The following NLRP11 variants were observed in gnomAD, a reference collection of about 807,000 sequenced individuals.
NLRP11 encodes the protein NACHT, LRR and PYD domains-containing protein 11.
Under a neutral mutation model 79.3 loss-of-function variants are expected in NLRP11, and 53 were observed. The observed-to-expected ratio is 0.67, with a 90% CI of 0.54 to 0.84. The LOEUF is 0.84. Among genes scored for constraint, NLRP11 ranks in the 40% least tolerant of loss-of-function variants. NLRP11 has a pLI of 0.00. For synonymous variants in NLRP11, 518 were observed against 462.6 expected, an observed-to-expected ratio of 1.12 and a Z score of -1.54; for missense variants, 1,264 against 1,255.0, an observed-to-expected ratio of 1.01 and a Z score of -0.11.
chr19:55,810,217 T>A, exon 3 of NLRP11: 1 of 1,614,146 alleles, frequency 6.2e-7, no homozygotes, highest in Non-Finnish European at 8.5e-7. Context: ...CTAATTGAAG[T>A]ATGTAGAACA....
rs1978354490 is a variant in NLRP11, at chr19:55,792,416, G to A, written c.2398C>T (p.Leu800=). 3 of 1,613,976 alleles carry A rather than the reference G, an allele frequency of 1.9e-6. No individual in the cohort carries two copies. The African/African-American group carries it at 4.0e-5, about 22-fold the overall frequency. The change falls in exon 7 of 10, where the codon CTG becomes TTG. Residue 800 remains leucine, a synonymous_variant. Coordinates refer to ENST00000589093, the Ensembl canonical transcript of NLRP11. ...AGTTGTCTTAGAGTTGGGCTGAACAGAAGCACTCTTCCAAGGGCGCTGCAG... is the reference window on the plus strand; with the variant it reads ...AGTTGTCTTAGAGTTGGGCTGAACAAAAGCACTCTTCCAAGGGCGCTGCAG...
intron 2 of NLRP11, among the ~76,000 whole-genome samples, chr19:55,811,295 G>A (rs928017699): frequency 2.6e-5 from 4 of 152,190 alleles, no homozygotes; most frequent in South Asian, 2.1e-4. Flanking sequence ...GTATAAAGCT[G>A]TCATAGAGGT....
chr19:55,809,846 A>G lies in NLRP11; in HGVS notation c.764T>C (p.Ile255Thr), dbSNP rs1357738206. The change falls in exon 3 of 10, where the codon ATT (isoleucine) becomes ACT (threonine). Residue 255 changes from isoleucine to threonine, a missense_variant. Physicochemically the swap from Ile to Thr is moderately conservative, Grantham distance 89. Coordinates refer to ENST00000589093, the Ensembl canonical transcript of NLRP11. This position sits in a 1 kb window ranked among gnomAD's most constrained non-coding sequence, Gnocchi z 4.5. Reference sequence around the variant, plus strand: ...CAGCAAACTGACCAGGAGAACTGGAATGGGAACTTTCTGGGTGCTGTTACT... The same window carrying G: ...CAGCAAACTGACCAGGAGAACTGGAGTGGGAACTTTCTGGGTGCTGTTACT... 3.1e-6 allele frequency: 5 copies of G among 1,614,076 alleles called. No homozygotes were observed. The African/African-American group carries it at 5.3e-5, about 17-fold the overall frequency.
chr19:55,819,277 G>T (rs1981456990), intron 1 of NLRP11, among the ~76,000 whole-genome samples: 2 of 151,772 alleles, frequency 1.3e-5, no homozygotes, highest in African/African-American at 2.4e-5. Flanking sequence ...GTAGCCCCTG[G>T]CCAGGCTCCT....
rs375951841 is a variant in NLRP11, at chr19:55,808,723, A to T, written c.1841+46T>A. ...GTCAACAAGCTCTAGAATTATGGGC[A>T]GGTCTTAGGAAGACAGGAAAGAGGA... On this transcript the variant is annotated intron_variant, in intron 3 of 9. Transcript: ENST00000589093. The T allele has an allele frequency of 2.0e-5, 30 of 1,526,562 alleles. No individual in the cohort carries two copies. In the African/African-American group the frequency reaches 3.6e-4, roughly 18 times the overall value. 94.6% of individuals were successfully genotyped at this position (1,526,562 alleles called of 1,614,324 possible). A position where few individuals can be genotyped will look rare whatever the true frequency, so the allele number is the denominator to read the frequency against.
chr19:55,792,028 T>A (rs1376219261), intron 7 of NLRP11, among the ~76,000 whole-genome samples: 1 of 87,472 alleles, frequency 1.1e-5, no homozygotes, highest in Non-Finnish European at 3.0e-5. Flanking sequence ...CCATGCTATG[T>A]CCACCCGGGG....
upstream of NLRP11, among the ~76,000 whole-genome samples, chr19:55,834,276 G>C (rs35336815): frequency 0.092 from 13,955 of 152,008 alleles, 696 homozygotes; most frequent in East Asian, 0.12. Flanking sequence ...TTCAGAAAAG[G>C]TAAAGCACTT....
chr19:55,821,240 CACACACA>C (rs774648927), intron 1 of NLRP11, among the ~76,000 whole-genome samples: 76 of 128,746 alleles, frequency 5.9e-4, no homozygotes, highest in Admixed American at 2.0e-3. Context: ...CACACACACA[CACACACA>C]CACCCCAAGC....
intron 5 of NLRP11, chr19:55,801,206 T>A: frequency 5.9e-6 from 1 of 170,592 alleles, no homozygotes; most frequent in African/African-American, 2.4e-5. Flanking sequence ...TTAGTTTCAC[T>A]TGCTTCCTTT....
chr19:55,816,310 G>T (rs1981108595), intron 2 of NLRP11, among the ~76,000 whole-genome samples: 1 of 152,274 alleles, frequency 6.6e-6, no homozygotes. Flanking sequence ...TAATACAGGG[G>T]TTGATCTAGC....
chr19:55,808,731 G>A (rs1980253968), intron 3 of NLRP11, 38 bp downstream of exon 3: 4 of 1,552,858 alleles, frequency 2.6e-6, no homozygotes, highest in Non-Finnish European at 2.6e-6. Flanking sequence ...GCAGGTCTTA[G>A]GAAGACAGGA....
At chr19:55,823,721 T>C (rs1982042038) in intron 1 of NLRP11, among the ~76,000 whole-genome samples, 1 of 150,162 alleles carries the variant, frequency 6.7e-6, no homozygotes, top group Non-Finnish European at 1.5e-5. Context: ...GAAAAACAAA[T>C]AAAAAGAAAT....
chr19:55,799,229 T>C (rs954694407), intron 5 of NLRP11, among the ~76,000 whole-genome samples: 1 of 152,152 alleles, frequency 6.6e-6, no homozygotes, highest in Non-Finnish European at 1.5e-5. Flanking sequence ...ATCACCCCAC[T>C]GGACTCCAGC....
intron 1 of NLRP11, among the ~76,000 whole-genome samples, chr19:55,830,001 G>C (rs1982593940): frequency 6.6e-6 from 1 of 152,050 alleles, no homozygotes; most frequent in African/African-American, 2.4e-5. Context: ...TAGGCTGCCT[G>C]GTTCATCTAC....
chr19:55,796,018 T>G lies in NLRP11; in HGVS notation c.2342+62A>C, dbSNP rs74585607. On this transcript the variant is annotated intron_variant, in intron 6 of 9. Transcript: ENST00000589093. ...TTTCCCCACCACTGCTCTTTGATCA[T>G]GTGCTTAGATATTCAAGTCAGTCTG... is the stretch of plus-strand genomic sequence containing the variant. 2.0e-5 allele frequency: 28 copies of G among 1,431,174 alleles called. No homozygotes were observed. In the African/African-American group the frequency reaches 2.9e-4, roughly 15 times the overall value. 88.7% of individuals were successfully genotyped at this position (1,431,174 alleles called of 1,614,324 possible).
At chr19:55,807,945 C>G (rs536580304) in exon 4 of NLRP11, 1 of 1,610,474 alleles carries the variant, frequency 6.2e-7, no homozygotes, top group African/African-American at 1.3e-5. Context: ...AGATATGCAG[C>G]TCCCGGAGGC....
chr19:55,795,462 G>T (rs771507021), intron 6 of NLRP11, among the ~76,000 whole-genome samples: 7 of 152,162 alleles, frequency 4.6e-5, no homozygotes, highest in Non-Finnish European at 7.4e-5. Context: ...CCTAGGTGCT[G>T]TGTTTAGAAT....
At chr19:55,827,608 T>C (rs199739844) in intron 1 of NLRP11, among the ~76,000 whole-genome samples, 1,762 of 135,290 alleles carry the variant, frequency 0.013, 20 homozygotes, top group East Asian at 0.041. Context: ...GGGCAAAGGA[T>C]ATAAACAGAC....
At chr19:55,829,653 C>T (rs945076586) in intron 1 of NLRP11, among the ~76,000 whole-genome samples, 16 of 112,156 alleles carry the variant, frequency 1.4e-4, no homozygotes, top group African/African-American at 4.4e-4. Context: ...GGCGAGACTC[C>T]GTCTCAAAAA....
Sources: allele counts gnomAD v4.1 joint callset (sites outside exome capture counted in the v4.1 genomes callset), GRCh38; gene constraint gnomAD v4.1.1; non-coding constraint Gnocchi (gnomAD v3.1); transcripts MANE v1.5; gene names NCBI Gene and HGNC (gene_info 2026-07-23, HGNC 2026-07-21).